The following TRPC7 variants were observed in gnomAD, a reference collection of about 807,000 sequenced individuals.
TRPC7 encodes transient receptor potential cation channel subfamily C member 7, also known as short transient receptor potential channel 7.
TRPC7 carries 42 observed loss-of-function variants against 90.1 expected under a neutral mutation model. The ratio of observed to expected loss-of-function variants is 0.47; its 90% CI spans 0.36 to 0.60. TRPC7 has a LOEUF of 0.60. Among genes scored for constraint, TRPC7 ranks in the 20% least tolerant of loss-of-function variants. The pLI, the probability that TRPC7 is intolerant of heterozygous loss-of-function variation, is 0.00. For synonymous variants in TRPC7, 451 were observed against 436.3 expected, an observed-to-expected ratio of 1.03 and a Z score of -0.42; for missense variants, 955 against 1,112.3, an observed-to-expected ratio of 0.86 and a Z score of 2.01.
chr5:136,318,205 T>C (rs1441920789), intron 2 of TRPC7, among the ~76,000 whole-genome samples: 1 of 152,168 alleles, frequency 6.6e-6, no homozygotes, highest in Non-Finnish European at 1.5e-5. Flanking sequence ...CTGAGCTCAA[T>C]TAGCCTTCCA....
At chr5:136,251,968 A>G in intron 5 of TRPC7, 86 bp from the exon 6 acceptor site, 1 of 1,051,226 alleles carries the variant, frequency 9.5e-7, no homozygotes, top group Non-Finnish European at 1.4e-6. Flanking sequence ...ACCAGAGTAC[A>G]AATGTAAATA....
intron 4 of TRPC7, among the ~76,000 whole-genome samples, chr5:136,270,981 A>C (rs1352714005): frequency 6.6e-6 from 1 of 152,200 alleles, no homozygotes; most frequent in Non-Finnish European, 1.5e-5. Flanking sequence ...GTGGAGAAAA[A>C]GAGGTCTCTG....
At chr5:136,351,569 A>G (rs965696737) in intron 2 of TRPC7, among the ~76,000 whole-genome samples, 25 of 152,202 alleles carry the variant, frequency 1.6e-4, no homozygotes, top group Admixed American at 2.0e-4. Context: ...CCTTTCCCCA[A>G]TTTGTTGTCT....
intron 1 of TRPC7, 133 bp from the exon 2 acceptor site, chr5:136,357,518 A>T: frequency 1.0e-6 from 1 of 967,790 alleles, no homozygotes. Context: ...CTTACAAATC[A>T]TTGTCTTAAT....
At chr5:136,295,251 C>T (rs1042626301) in intron 3 of TRPC7, among the ~76,000 whole-genome samples, 1 of 152,088 alleles carries the variant, frequency 6.6e-6, no homozygotes, top group East Asian at 1.9e-4. Flanking sequence ...AACAAACCTG[C>T]ACGTTGTGCA....
chr5:136,265,120 C>G (rs1043153577), intron 5 of TRPC7, among the ~76,000 whole-genome samples: 2 of 152,146 alleles, frequency 1.3e-5, no homozygotes, highest in Non-Finnish European at 2.9e-5. Context: ...TGTTAGGTTA[C>G]CTTTTCAAGT....
chr5:136,274,623 G>A (rs756736026), intron 4 of TRPC7, 50 bp downstream of exon 4: 1 of 1,519,134 alleles, frequency 6.6e-7, no homozygotes, highest in Non-Finnish European at 8.8e-7. Flanking sequence ...ATCATGCTAA[G>A]AAGAGAGAAG....
rs145984420 is a variant in TRPC7 at position 136,261,627 on chromosome 5, C to T, written c.1345+4593G>A. On this transcript the variant is annotated intron_variant, in intron 5 of 11. Transcript: ENST00000513104. ...TGCCACAGATACTTTGGCGTCTGGG[C>T]CAGCACTCTCTTGGTTCTTCTCTTA... Among the ~76,000 whole-genome samples the T allele has an allele frequency of 4.7e-3, 723 of 152,328 alleles. 6 individuals are homozygous for T. Among genetic ancestry groups the T allele is most frequent in the African/African-American group, 0.016 (679 of 41,574 alleles).
intron 3 of TRPC7, among the ~76,000 whole-genome samples, chr5:136,298,270 G>C (rs564537256): frequency 1.3e-5 from 2 of 152,252 alleles, no homozygotes; most frequent in South Asian, 4.1e-4. Context: ...GAGGGAAAGG[G>C]ATCAGTAACT....
chr5:136,293,879 G>T (rs1407368873), intron 3 of TRPC7, among the ~76,000 whole-genome samples: 2 of 152,178 alleles, frequency 1.3e-5, no homozygotes, highest in Non-Finnish European at 2.9e-5. Flanking sequence ...CACGCTACCT[G>T]ACTTCAAACT....
At chr5:136,362,504 C>T (rs1042116998) in intron 1 of TRPC7, among the ~76,000 whole-genome samples, 1 of 152,062 alleles carries the variant, frequency 6.6e-6, no homozygotes, top group African/African-American at 2.4e-5. Flanking sequence ...AAATGTATAG[C>T]GAACATGACA....
At chr5:136,286,198 T>C (rs1282336876) in intron 3 of TRPC7, among the ~76,000 whole-genome samples, 1 of 152,164 alleles carries the variant, frequency 6.6e-6, no homozygotes, top group East Asian at 1.9e-4. Flanking sequence ...CTCACTCCTC[T>C]CTCCTCCTGA....
intron 2 of TRPC7, among the ~76,000 whole-genome samples, chr5:136,333,660 G>A (rs886349226): frequency 5.9e-5 from 9 of 152,294 alleles, no homozygotes; most frequent in African/African-American, 1.9e-4. Context: ...CTGGTCAAGC[G>A]CAGTGGTGGT....
intron 3 of TRPC7, among the ~76,000 whole-genome samples, chr5:136,275,094 T>C (rs1469716888): frequency 6.6e-6 from 1 of 152,046 alleles, no homozygotes; most frequent in South Asian, 2.1e-4. Flanking sequence ...CCTAGAAAAG[T>C]CTAAGGCACA....
rs1485921568 is a variant in TRPC7 at position 136,356,779 on chromosome 5, G to A, written c.609C>T (p.Cys203=). 2 of 1,612,086 alleles carry A rather than the reference G, an allele frequency of 1.2e-6. No homozygotes were observed. Among genetic ancestry groups the A allele is most frequent in the South Asian group, 1.1e-5 (1 of 91,028 alleles). ...AGGAGTCTTTCCGCTGTTTCTCGGT[G>A]CACTCATTGCACTTGCAGAAGTAGT... ...PHDYFCKCNE[C]TEKQRKDSFS... The change falls in exon 2 of 12, where the codon TGC becomes TGT. Residue 203 remains cysteine (C), a synonymous_variant. Transcript: ENST00000513104.
chr5:136,349,023 G>A (rs1760100845), intron 2 of TRPC7, among the ~76,000 whole-genome samples: 1 of 152,078 alleles, frequency 6.6e-6, no homozygotes, highest in Non-Finnish European at 1.5e-5. Flanking sequence ...CACTTGTGTA[G>A]GAAATGATTT....
chr5:136,332,878 G>A (rs1293717392), intron 2 of TRPC7, among the ~76,000 whole-genome samples: 2 of 152,140 alleles, frequency 1.3e-5, no homozygotes, highest in African/African-American at 4.8e-5. Context: ...GCAAAATGTG[G>A]GTGGAAATGA....
In TRPC7 at chr5:136,315,587, G is replaced by A. The variant is rs746006907; in HGVS notation, c.963+10C>T. 1 of 1,613,178 alleles carries A rather than the reference G, an allele frequency of 6.2e-7. No homozygotes were observed. Among genetic ancestry groups the A allele is most frequent in the Admixed American group, 1.7e-5 (1 of 59,984 alleles). On this transcript the variant is annotated intron_variant, in intron 3 of 11. Transcript: ENST00000513104. The stretch of plus-strand genomic sequence containing the variant: ...GAGATGGGAAGACCAGGAGAGATGG[G>A]GGAGCTTACCTTCTTGACTTCATAT...
intron 8 of TRPC7, among the ~76,000 whole-genome samples, chr5:136,229,631 G>C (rs978399604): frequency 4.6e-5 from 7 of 152,188 alleles, no homozygotes; most frequent in African/African-American, 1.7e-4. Context: ...CTCAGAAGGA[G>C]CCAACCCTGC....
Sources: gnomAD v4.1 joint callset for allele counts (sites outside exome capture counted in the v4.1 genomes callset) on GRCh38, gnomAD v4.1.1 for gene constraint, MANE v1.5 for transcripts, NCBI Gene and HGNC (gene_info 2026-07-23, HGNC 2026-07-21) for gene names.